The following ELFN2 variants were observed in gnomAD, a reference collection of about 807,000 sequenced individuals.
ELFN2 encodes the protein protein phosphatase 1 regulatory subunit 29.
Under a neutral mutation model 45.5 loss-of-function variants are expected in ELFN2, and 17 were observed. The observed-to-expected ratio is 0.37, with a 90% CI of 0.26 to 0.56. ELFN2 has a LOEUF of 0.56. Among genes scored for constraint, ELFN2 ranks in the 20% least tolerant of loss-of-function variants. The pLI is 0.77. For missense variants in ELFN2, 922 were observed against 1,183.2 expected (o/e 0.78, Z 3.24); for synonymous variants, 550 against 551.5 (o/e 1.00, Z 0.04).
intron 2 of ELFN2, among the ~76,000 whole-genome samples, chr22:37,377,529 C>T (rs1287194371): frequency 3.9e-5 from 6 of 152,198 alleles, no homozygotes; most frequent in Non-Finnish European, 2.9e-5. Flanking sequence ...AACCAATTTA[C>T]AGCACTGAGC....
chr22:37,374,791 G>A lies in ELFN2; in HGVS notation c.744C>T (p.Gly248=). The A allele has an allele frequency of 6.2e-7, 1 of 1,607,388 alleles. No individual in the cohort carries two copies. The highest frequency in any genetic ancestry group is 8.5e-7 in the Non-Finnish European group (1 of 1,179,250). ...ITVLQAKCRN[G]SLPARPVSHP... is the part of the protein sequence containing the mutation. ...GGCTCACGGGCCGGGCGGGCAGCGA[G>A]CCATTCCGACACTTGGCCTGGAGTA... Residue 248 remains glycine (G), a synonymous_variant, in exon 3 of 3, where the codon GGC becomes GGT. Coordinates refer to ENST00000402918, the MANE Select transcript of ELFN2 (RefSeq NM_052906.5).
chr22:37,418,669 G>A (rs369531854), intron 1 of ELFN2, among the ~76,000 whole-genome samples: 39 of 147,602 alleles, frequency 2.6e-4, no homozygotes, highest in African/African-American at 6.8e-4. Flanking sequence ...GATCACCAAC[G>A]CCGCCCAACC....
chr22:37,425,709 C>T (rs1932842456), intron 1 of ELFN2, among the ~76,000 whole-genome samples: 3 of 152,156 alleles, frequency 2.0e-5, no homozygotes, highest in African/African-American at 7.2e-5. Flanking sequence ...CCTCCCCACC[C>T]ACACAGTTGC....
chr22:37,374,268 G>A lies in ELFN2; in HGVS notation c.1267C>T (p.Arg423Cys), dbSNP rs750226418. ...GAVYYCLRKR[R>C]MQEEKQKSVN... Reference sequence around the variant, plus strand: ...GACTTCTGCTTCTCCTCCTGCATGCGCCGCTTGCGCAGGCAGTAGTACACG... The same window carrying A: ...GACTTCTGCTTCTCCTCCTGCATGCACCGCTTGCGCAGGCAGTAGTACACG... The change falls in exon 3 of 3, where the codon CGC becomes TGC. Residue 423 changes from arginine to cysteine, a missense_variant. Physicochemically the swap from Arg to Cys is radical, Grantham distance 180. Coordinates refer to ENST00000402918, the MANE Select transcript of ELFN2 (RefSeq NM_052906.5). The A allele has an allele frequency of 4.1e-5, 66 of 1,613,836 alleles. No individual in the cohort carries two copies. The highest frequency in any genetic ancestry group is 4.7e-5 in the Non-Finnish European group (56 of 1,180,032).
chr22:37,389,812 C>T (rs1932046433), intron 2 of ELFN2, among the ~76,000 whole-genome samples: 1 of 152,210 alleles, frequency 6.6e-6, no homozygotes, highest in African/African-American at 2.4e-5. Flanking sequence ...CGCCCCTCCC[C>T]CAGTGCCCAG....
At chr22:37,409,037 C>A (rs1932580049) in intron 2 of ELFN2, among the ~76,000 whole-genome samples, 1 of 152,190 alleles carries the variant, frequency 6.6e-6, no homozygotes, top group Admixed American at 6.5e-5. Context: ...CCTACAGCAT[C>A]AAGGAATCTC....
intron 2 of ELFN2, among the ~76,000 whole-genome samples, chr22:37,393,333 C>T (rs1932130273): frequency 6.6e-6 from 1 of 152,256 alleles, no homozygotes; most frequent in Admixed American, 6.5e-5. Context: ...CATCAACAGC[C>T]TCCACTCGCA....
intron 1 of ELFN2, among the ~76,000 whole-genome samples, chr22:37,346,898 G>A (rs73164578): frequency 0.046 from 7,056 of 152,148 alleles, 193 homozygotes; most frequent in Middle Eastern, 0.14. Flanking sequence ...GACAGGGCGT[G>A]GCTGGACTCT....
At chr22:37,391,655 C>T (rs552257797) in intron 2 of ELFN2, among the ~76,000 whole-genome samples, 6 of 152,292 alleles carry the variant, frequency 3.9e-5, no homozygotes, top group East Asian at 1.9e-4. Context: ...ATCAAAGGGA[C>T]GGTGTCTGGG....
chr22:37,407,850 G>A (rs5756673), intron 2 of ELFN2, among the ~76,000 whole-genome samples: 4,562 of 151,380 alleles, frequency 0.03, 267 homozygotes, highest in African/African-American at 0.11. Context: ...AGCCGAGATC[G>A]CGCCACTACA....
intron 2 of ELFN2, among the ~76,000 whole-genome samples, chr22:37,396,731 C>T: frequency 6.6e-6 from 1 of 152,152 alleles, no homozygotes; most frequent in African/African-American, 2.4e-5. Flanking sequence ...CCTCGTCTGC[C>T]CTCTCCTCCA....
At chr22:37,422,292 G>T (rs133729) in intron 1 of ELFN2, among the ~76,000 whole-genome samples, 41,692 of 151,898 alleles carry the variant, frequency 0.27, 6,755 homozygotes, top group Non-Finnish European at 0.36. Flanking sequence ...ATGGCATCTC[G>T]CATGCCAGAC....
downstream of ELFN2, among the ~76,000 whole-genome samples, chr22:37,366,581 C>T (rs913665906): frequency 1.3e-5 from 2 of 152,264 alleles, no homozygotes; most frequent in African/African-American, 4.8e-5. Context: ...AGCAGGGGCT[C>T]CTGGAGCCCA....
At chr22:37,392,318 CTTTTT>C (rs1285741986) in intron 2 of ELFN2, among the ~76,000 whole-genome samples, 2 of 131,186 alleles carry the variant, frequency 1.5e-5, no homozygotes. Context: ...GTTGGATTCT[CTTTTT>C]TTTTTTTTTT....
At chr22:37,423,307 C>G (rs1402544670) in intron 1 of ELFN2, among the ~76,000 whole-genome samples, 1 of 152,178 alleles carries the variant, frequency 6.6e-6, no homozygotes, top group Admixed American at 6.5e-5. Context: ...AAGCAAAGGG[C>G]GTCCGCCACC....
chr22:37,391,561 A>C (rs758970825), intron 2 of ELFN2, among the ~76,000 whole-genome samples: 7 of 152,108 alleles, frequency 4.6e-5, no homozygotes, highest in Non-Finnish European at 1.0e-4. Flanking sequence ...AAATGATAAG[A>C]GACATGCCCA....
At position 37,374,608 on chromosome 22, in the gene ELFN2, G is replaced by A. The variant is rs1367606815; in HGVS notation, c.927C>T (p.Ala309=). The change falls in exon 3 of 3, where the codon GCC becomes GCT. Residue 309 remains alanine (A), a synonymous_variant. Transcript: ENST00000402918. ...IKLHHVTFTS[A]TLVVIIPHPY... Reference sequence around the variant, plus strand: ...GGTGTGGGATGATGACCACCAGGGTGGCCGAGGTGAACGTGACGTGGTGCA... The same window carrying A: ...GGTGTGGGATGATGACCACCAGGGTAGCCGAGGTGAACGTGACGTGGTGCA... 2 of 1,614,200 alleles carry A rather than the reference G, an allele frequency of 1.2e-6. No individual in the cohort carries two copies. The highest frequency in any genetic ancestry group is 2.2e-5 in the East Asian group (1 of 44,890).
chr22:37,363,482 G>T (rs535740330), downstream of ELFN2, among the ~76,000 whole-genome samples: 1 of 152,282 alleles, frequency 6.6e-6, no homozygotes, highest in South Asian at 2.1e-4. Context: ...TGGCAAGGAC[G>T]GGGAGGACGG....
intron 1 of ELFN2, among the ~76,000 whole-genome samples, chr22:37,352,828 A>G (rs1231112026): frequency 1.3e-5 from 2 of 150,736 alleles, no homozygotes; most frequent in Non-Finnish European, 3.0e-5. Flanking sequence ...TAGCCACTGG[A>G]GGCTTTGTGG....
Sources: gnomAD v4.1 joint callset for allele counts (sites outside exome capture counted in the v4.1 genomes callset) on GRCh38, gnomAD v4.1.1 for gene constraint, MANE v1.5 for transcripts, NCBI Gene and HGNC (gene_info 2026-07-23, HGNC 2026-07-21) for gene names.